Variants in IFFO2 observed in about 807,000 individuals in gnomAD.
IFFO2 encodes the protein intermediate filament family orphan 2.
IFFO2 carries 19 observed loss-of-function variants against 53.5 expected under a neutral mutation model. That is an observed-to-expected ratio of 0.36 (90% CI 0.25 to 0.52). The LOEUF (loss-of-function observed/expected upper bound fraction) is 0.52. Ranked by LOEUF, IFFO2 falls within the 20% of genes least tolerant of loss-of-function variation. IFFO2 has a pLI of 0.94. For synonymous variants in IFFO2, 303 were observed against 313.6 expected (o/e 0.97, Z 0.36); for missense variants, 570 against 727.4 (o/e 0.78, Z 2.49).
At chr1:18,912,429 A>G (rs971493844) in intron 5 of IFFO2, among the ~76,000 whole-genome samples, 1 of 152,108 alleles carries the variant, frequency 6.6e-6, no homozygotes, top group Admixed American at 6.5e-5. Context: ...TTTGAGTGAG[A>G]TGTTCAATAT....
chr1:18,927,384 C>T (rs1936318758), intron 1 of IFFO2, among the ~76,000 whole-genome samples: 1 of 152,214 alleles, frequency 6.6e-6, no homozygotes, highest in South Asian at 2.1e-4. Context: ...CAAGCGTGGG[C>T]CTGGCCTCTG....
rs75849090 is a variant in IFFO2, at chr1:18,942,114, G to A, written c.665+13554C>T. On this transcript the variant is annotated intron_variant, in intron 1 of 8. Transcript: ENST00000455833. ...GAGCAGGCAGTTCTCACTGTGCCGC[G>A]TTTTCCTTTTGTATGAGATGGGATG... Among the ~76,000 whole-genome samples the A allele has an allele frequency of 4.7e-3, 716 of 152,310 alleles. 3 individuals are homozygous for A. The highest frequency in any genetic ancestry group is 6.6e-3 in the Non-Finnish European group (451 of 68,026).
intron 1 of IFFO2, among the ~76,000 whole-genome samples, chr1:18,931,914 G>A (rs1936380841): frequency 6.6e-6 from 1 of 152,206 alleles, no homozygotes. Context: ...GTGTACACAT[G>A]GGGTCACAGT....
intron 1 of IFFO2, among the ~76,000 whole-genome samples, chr1:18,945,579 C>T (rs561953772): frequency 3.3e-5 from 5 of 152,368 alleles, no homozygotes; most frequent in African/African-American, 9.6e-5. Context: ...GGCCTCTCTC[C>T]ATCGAGCAGC....
intron 1 of IFFO2, among the ~76,000 whole-genome samples, chr1:18,929,720 G>A (rs976849792): frequency 6.6e-6 from 1 of 152,104 alleles, no homozygotes; most frequent in Non-Finnish European, 1.5e-5. Flanking sequence ...CGGCCCCCCA[G>A]CCACACACCC....
intron 1 of IFFO2, among the ~76,000 whole-genome samples, chr1:18,933,777 A>C (rs930640544): frequency 6.6e-6 from 1 of 152,006 alleles, no homozygotes; most frequent in Non-Finnish European, 1.5e-5. Flanking sequence ...TAAATAAATA[A>C]ACCATATAAC....
At chr1:18,945,664 C>G (rs1401683998) in intron 1 of IFFO2, among the ~76,000 whole-genome samples, 1 of 152,224 alleles carries the variant, frequency 6.6e-6, no homozygotes, top group Non-Finnish European at 1.5e-5. Flanking sequence ...GCAAGCATCT[C>G]AGAGACAGCT....
intron 1 of IFFO2, among the ~76,000 whole-genome samples, chr1:18,950,264 G>A (rs780157881): frequency 5.9e-5 from 9 of 152,192 alleles, no homozygotes; most frequent in Admixed American, 1.3e-4. Flanking sequence ...CAGAGAGAGC[G>A]GCGACATGCC....
At chr1:18,921,557 A>G (rs772960840) in intron 1 of IFFO2, among the ~76,000 whole-genome samples, 2 of 152,180 alleles carry the variant, frequency 1.3e-5, no homozygotes, top group Non-Finnish European at 2.9e-5. Context: ...ACAAACTTTT[A>G]TTGTGCTAAG....
rs753573184 is a variant in IFFO2 at position 18,955,969 on chromosome 1, C to A, written c.364G>T (p.Gly122Trp). Reference sequence around the variant, plus strand: ...GCCGCGCCACTGCTGAGGCCGTGCCCGCCGCCGGGCGCCGGGGGCCGCAGC... The same window carrying A: ...GCCGCGCCACTGCTGAGGCCGTGCCAGCCGCCGGGCGCCGGGGGCCGCAGC... ...ELLRPPAPGGGHGLSSGAAAG... is the reference protein window; with the variant it reads ...ELLRPPAPGGWHGLSSGAAAG... The change falls in exon 1 of 9, where the codon GGG (glycine) becomes TGG (tryptophan). Residue 122 changes from glycine (G) to tryptophan (W), a missense_variant. Gly to Trp is a radical substitution (Grantham distance 184). Transcript: ENST00000455833. The A allele has an allele frequency of 7.6e-7, 1 of 1,318,634 alleles. No homozygotes were observed. The highest frequency in any genetic ancestry group is 9.7e-7 in the Non-Finnish European group (1 of 1,027,618). The allele number at this position is 1,318,634 out of a possible 1,614,324, so 81.7% of individuals were successfully genotyped here. A position where few individuals can be genotyped will look rare whatever the true frequency, so the allele number is the denominator to read the frequency against.
chr1:18,943,383 A>G (rs1359905275), intron 1 of IFFO2, among the ~76,000 whole-genome samples: 2 of 152,086 alleles, frequency 1.3e-5, no homozygotes, highest in African/African-American at 4.8e-5. Context: ...CTGTCTTAAA[A>G]AAAATGTCTT....
At chr1:18,946,311 A>T (rs1210923431) in intron 1 of IFFO2, among the ~76,000 whole-genome samples, 1 of 152,084 alleles carries the variant, frequency 6.6e-6, no homozygotes, top group Non-Finnish European at 1.5e-5. Flanking sequence ...CAAGCAGGGA[A>T]GCTACTTGCA....
intron 1 of IFFO2, among the ~76,000 whole-genome samples, chr1:18,940,768 C>A (rs146693259): frequency 1.3e-5 from 2 of 152,316 alleles, no homozygotes; most frequent in Middle Eastern, 3.4e-3. Context: ...CTCCAGTATC[C>A]AAATCCCTTC....
intron 5 of IFFO2, 109 bp from the exon 6 acceptor site, chr1:18,912,192 T>TGTA: frequency 2.2e-6 from 3 of 1,375,342 alleles, no homozygotes; most frequent in African/African-American, 1.4e-5. Flanking sequence ...TTCAAGGCTG[T>TGTA]CCTCAGGAAA....
At chr1:18,934,477 A>G (rs995328312) in intron 1 of IFFO2, among the ~76,000 whole-genome samples, 3 of 152,218 alleles carry the variant, frequency 2.0e-5, no homozygotes, top group Non-Finnish European at 2.9e-5. Context: ...GATGTCATGT[A>G]TACCTGCTCA....
At chr1:18,927,629 G>T (rs1936322451) in intron 1 of IFFO2, among the ~76,000 whole-genome samples, 1 of 152,238 alleles carries the variant, frequency 6.6e-6, no homozygotes. Context: ...ATGCACAGAG[G>T]CATCCTCACA....
intron 1 of IFFO2, among the ~76,000 whole-genome samples, chr1:18,926,094 A>AT (rs1936291536): frequency 3.0e-5 from 3 of 99,706 alleles, no homozygotes; most frequent in African/African-American, 9.1e-5. Context: ...GGATGGATGG[A>AT]TGGATGGATT....
At chr1:18,909,620 TCC>T (rs1936003902) in intron 8 of IFFO2, among the ~76,000 whole-genome samples, 1 of 152,116 alleles carries the variant, frequency 6.6e-6, no homozygotes, top group Non-Finnish European at 1.5e-5. Flanking sequence ...AGGGGGGGTT[TCC>T]CCTTTGCTAG....
At chr1:18,913,969 C>T (rs1267238623) in intron 5 of IFFO2, among the ~76,000 whole-genome samples, 2 of 148,830 alleles carry the variant, frequency 1.3e-5, no homozygotes, top group East Asian at 1.9e-4. Context: ...GTAGCTGGGA[C>T]TACAGGCGCC....
Sources: gnomAD v4.1 joint callset for allele counts (sites outside exome capture counted in the v4.1 genomes callset) on GRCh38, gnomAD v4.1.1 for gene constraint, MANE v1.5 for transcripts, NCBI Gene and HGNC (gene_info 2026-07-23, HGNC 2026-07-21) for gene names.